FAAP20: variants seen among roughly 807,000 people sequenced by gnomAD.
FAAP20 encodes the protein FA core complex associated protein 20.
Under a neutral mutation model 16.2 loss-of-function variants are expected in FAAP20, and 12 were observed. That is an observed-to-expected ratio of 0.74 (90% CI 0.48 to 1.20). The LOEUF (loss-of-function observed/expected upper bound fraction) is 1.20, where lower values mean the gene tolerates loss of function less well. FAAP20 is among the 50% of genes most tolerant of loss of function. The pLI, the probability that FAAP20 is intolerant of heterozygous loss-of-function variation, is 0.00. For missense variants in FAAP20, 288 were observed against 245.8 expected (o/e 1.17, Z -1.15); for synonymous variants, 141 against 110.7 (o/e 1.27, Z -1.72).
At chr1:2,198,008 T>G, upstream of FAAP20, 1 of 1,289,704 alleles carries the variant, frequency 7.8e-7, no homozygotes, top group Non-Finnish European at 1.0e-6. Context: ...CAAACATACC[T>G]TGTCCTGCCT....
At chr1:2,201,295 C>T (rs538745163), upstream of FAAP20, 184 of 1,109,594 alleles carry the variant, frequency 1.7e-4, no homozygotes, top group South Asian at 3.0e-3. Context: ...GGGACACGCA[C>T]GGTGAGCGAC....
chr1:2,194,816 C>G (rs1308776125), upstream of FAAP20: 16 of 1,089,378 alleles, frequency 1.5e-5, no homozygotes, highest in Middle Eastern at 4.0e-4. Context: ...CGCCCCCGCC[C>G]CGGCCCCGCC....
chr1:2,204,562 G>A (rs1414643941), upstream of FAAP20, among the ~76,000 whole-genome samples: 1 of 152,188 alleles, frequency 6.6e-6, no homozygotes, highest in Non-Finnish European at 1.5e-5. Context: ...ACAGCTCACA[G>A]CCCTGTGGCC....
upstream of FAAP20, chr1:2,201,358 G>T: frequency 1.5e-6 from 1 of 645,728 alleles, no homozygotes; most frequent in Non-Finnish European, 2.0e-6. Context: ...CGTGGGCAGG[G>T]AGCAAGAAGG....
chr1:2,205,355 C>T (rs1035579080), intron 3 of FAAP20, among the ~76,000 whole-genome samples: 1 of 148,658 alleles, frequency 6.7e-6, no homozygotes, highest in African/African-American at 2.5e-5. Flanking sequence ...CCCCACCCCG[C>T]CCCAGCTGTG....
At chr1:2,210,422 C>A (rs995503776), downstream of FAAP20, among the ~76,000 whole-genome samples, 3 of 152,200 alleles carry the variant, frequency 2.0e-5, no homozygotes, top group African/African-American at 7.2e-5. Context: ...CACAGCCCTG[C>A]CTGCCGCCTC....
At chr1:2,199,419 C>G (rs1688959337), upstream of FAAP20, 1 of 1,015,940 alleles carries the variant, frequency 9.8e-7, no homozygotes, top group Admixed American at 5.4e-5. The surrounding 1 kb of genome is among the most constrained non-coding windows in gnomAD (Gnocchi z 4.5). Flanking sequence ...CAGCCCAGCC[C>G]AGGCTTCTCT....
At chr1:2,199,702 T>G, upstream of FAAP20, 2 of 903,918 alleles carry the variant, frequency 2.2e-6, no homozygotes. This position sits in a 1 kb window ranked among gnomAD's most constrained non-coding sequence, Gnocchi z 4.5. Context: ...AAGCAAGGTC[T>G]GTGCCGATAT....
downstream of FAAP20, chr1:2,185,509 A>ACCT: frequency 1.4e-6 from 1 of 717,426 alleles, no homozygotes; most frequent in South Asian, 1.5e-5. Flanking sequence ...CGGGAGTTGA[A>ACCT]GTACCTGTGG....
At chr1:2,199,647 C>T (rs757749180), upstream of FAAP20, 7 of 985,382 alleles carry the variant, frequency 7.1e-6, no homozygotes, top group Non-Finnish European at 8.4e-6. This position sits in a 1 kb window ranked among gnomAD's most constrained non-coding sequence, Gnocchi z 4.5. Flanking sequence ...GCAGCGTCTC[C>T]GAAGACTCAT....
rs1688275957 is a variant in FAAP20, at chr1:2,191,910, A to G, written c.470+1729T>C. ...GCACAAAATGTCCAAATAGGACCACAAGAAGATCTTAAAGACACAAAGAAC... is the reference window on the plus strand; with the variant it reads ...GCACAAAATGTCCAAATAGGACCACGAGAAGATCTTAAAGACACAAAGAAC... On this transcript the variant is annotated intron_variant, in intron 3 of 3. Coordinates refer to ENST00000378546, the MANE Select transcript of FAAP20 (RefSeq NM_182533.4). 9 of 985,382 alleles carry G rather than the reference A, an allele frequency of 9.1e-6. No homozygotes were observed. The South Asian group carries it at 2.8e-4, about 31-fold the overall frequency. 61.0% of individuals were successfully genotyped at this position (985,382 alleles called of 1,614,324 possible). A position where few individuals can be genotyped will look rare whatever the true frequency, so the allele number is the denominator to read the frequency against.
chr1:2,188,314 T>C (rs1208476809), downstream of FAAP20, among the ~76,000 whole-genome samples: 1 of 152,210 alleles, frequency 6.6e-6, no homozygotes, highest in Non-Finnish European at 1.5e-5. Flanking sequence ...CCACTGCTGC[T>C]GTCCTTCCCC....
upstream of FAAP20, among the ~76,000 whole-genome samples, chr1:2,202,471 A>G (rs1490543509): frequency 6.6e-6 from 1 of 151,614 alleles, no homozygotes; most frequent in Admixed American, 6.6e-5. Context: ...TTTTTATTTT[A>G]TTTATTTATT....
downstream of FAAP20, chr1:2,185,382 C>T: frequency 1.4e-6 from 1 of 718,762 alleles, no homozygotes; most frequent in East Asian, 2.7e-5. Context: ...ATAAAATGTT[C>T]CGATGATGTG....
chr1:2,194,871 A>T, upstream of FAAP20: 1 of 881,584 alleles, frequency 1.1e-6, no homozygotes, highest in Non-Finnish European at 1.4e-6. Flanking sequence ...GACAGTCGGA[A>T]CCCCAGGGGC....
chr1:2,188,634 C>A (rs1301216332), downstream of FAAP20, among the ~76,000 whole-genome samples: 2 of 152,200 alleles, frequency 1.3e-5, no homozygotes, highest in South Asian at 2.1e-4. Flanking sequence ...TGGGGAGTTA[C>A]AGGCCCGCAG....
rs769416797 is a variant in FAAP20, at chr1:2,193,814, G to T, written c.295C>A (p.Arg99Ser). ...GCCCCGTGAAGCAGCCGGTAGGAAC[G>T]GCCCGGGCCCCACAGGTCCGGCGGA... ...PFPPDLWGPG[R>S]SYRLLHGAGG... Residue 99 changes from arginine to serine, a missense_variant, in exon 3 of 4, where the codon CGT becomes AGT. Arg to Ser is a moderately radical substitution (Grantham distance 110). Coordinates refer to ENST00000378546, the MANE Select transcript of FAAP20 (RefSeq NM_182533.4). 1 of 1,607,540 alleles carries T rather than the reference G, an allele frequency of 6.2e-7. No homozygotes were observed. The highest frequency in any genetic ancestry group is 8.5e-7 in the Non-Finnish European group (1 of 1,178,418).
At chr1:2,210,146 C>T (rs1004025684), downstream of FAAP20, among the ~76,000 whole-genome samples, 5 of 152,212 alleles carry the variant, frequency 3.3e-5, no homozygotes, top group African/African-American at 4.8e-5. Flanking sequence ...ATGGGCGGCT[C>T]ACCTGCCTGC....
downstream of FAAP20, among the ~76,000 whole-genome samples, chr1:2,210,749 C>G (rs1376429629): frequency 1.3e-5 from 2 of 152,210 alleles, no homozygotes; most frequent in Admixed American, 1.3e-4. Context: ...GGAGGGTGAC[C>G]CTGGGAATGG....
Sources: allele counts gnomAD v4.1 joint callset (sites outside exome capture counted in the v4.1 genomes callset), GRCh38; gene constraint gnomAD v4.1.1; non-coding constraint Gnocchi (gnomAD v3.1); transcripts MANE v1.5; gene names NCBI Gene and HGNC (gene_info 2026-07-23, HGNC 2026-07-21).